OR2AT4: variants seen among roughly 807,000 people sequenced by gnomAD.
OR2AT4 encodes the protein olfactory receptor 2AT4.
In OR2AT4, 6 loss-of-function variants were observed where a neutral mutation model predicts 10.3. That is an observed-to-expected ratio of 0.58 (90% confidence interval 0.32 to 1.15). The LOEUF is 1.15. Among genes scored for constraint, OR2AT4 ranks in the 50% most tolerant of loss-of-function variants. OR2AT4 has a pLI of 0.05. For synonymous variants in OR2AT4, 145 were observed against 159.1 expected (o/e 0.91, Z 0.67); for missense variants, 354 against 393.8 (o/e 0.90, Z 0.85).
exon 2 of OR2AT4, chr11:75,088,761 C>T (rs1320675240): frequency 3.2e-6 from 5 of 1,556,154 alleles, no homozygotes; most frequent in Non-Finnish European, 4.3e-6. Flanking sequence ...TCAAATGCTC[C>T]TGTCACAGCC....
exon 2 of OR2AT4, chr11:75,086,814 A>G (rs886776769): frequency 6.6e-6 from 1 of 152,216 alleles, no homozygotes; most frequent in African/African-American, 2.4e-5. Context: ...AGTATCATAC[A>G]GAATAGTTTC....
chr11:75,093,035 G>A (rs1289225496), intron 1 of OR2AT4, among the ~76,000 whole-genome samples: 3 of 152,186 alleles, frequency 2.0e-5, no homozygotes, highest in Middle Eastern at 3.2e-3. Flanking sequence ...GGGAGGTGGA[G>A]GTTGCAGTGA....
chr11:75,093,810 C>CTTTTTTTTTTTTTTTTTTTTT (rs556380402), intron 1 of OR2AT4, among the ~76,000 whole-genome samples: 58 of 61,798 alleles, frequency 9.4e-4, no homozygotes, highest in African/African-American at 1.3e-3. Flanking sequence ...TTTTCTTTTT[C>CTTTTTTTTTTTTTTTTTTTTT]TTTTTTTTTT....
intron 1 of OR2AT4, among the ~76,000 whole-genome samples, chr11:75,092,975 C>T (rs895296620): frequency 2.6e-5 from 4 of 152,098 alleles, no homozygotes; most frequent in Non-Finnish European, 1.5e-5. Context: ...TAGCACACGC[C>T]TGTAATCCCA....
chr11:75,090,917 G>A (rs944168623), intron 1 of OR2AT4, among the ~76,000 whole-genome samples: 4 of 152,152 alleles, frequency 2.6e-5, no homozygotes, highest in Non-Finnish European at 5.9e-5. Flanking sequence ...TGTAGTGGGC[G>A]GGGGGAAAGG....
chr11:75,088,783 A>G, exon 2 of OR2AT4: 1 of 1,581,826 alleles, frequency 6.3e-7, no homozygotes. Context: ...GGGTCTTGAG[A>G]CATGATTTTG....
At chr11:75,083,400 C>A (rs1319556602) in exon 2 of OR2AT4, 1 of 152,096 alleles carries the variant, frequency 6.6e-6, no homozygotes, top group African/African-American at 2.4e-5. Context: ...AGAACAGGTG[C>A]TGACCAGGCT....
chr11:75,087,276 G>A (rs941005208), exon 2 of OR2AT4: 1 of 152,088 alleles, frequency 6.6e-6, no homozygotes, highest in Non-Finnish European at 1.5e-5. Flanking sequence ...TTAGGTGAAG[G>A]ATATATGGGA....
exon 2 of OR2AT4, chr11:75,089,770 A>C: frequency 6.6e-7 from 1 of 1,518,324 alleles, no homozygotes; most frequent in East Asian, 2.3e-5. Flanking sequence ...AGACATTGGA[A>C]ACATCTGGAA....
At chr11:75,088,642 A>T in exon 2 of OR2AT4, 1 of 1,078,590 alleles carries the variant, frequency 9.3e-7, no homozygotes, top group Non-Finnish European at 1.2e-6. Context: ...ACAACAACTT[A>T]AGATTCCAAT....
At chr11:75,093,956 G>A (rs1949333720) in intron 1 of OR2AT4, among the ~76,000 whole-genome samples, 1 of 151,244 alleles carries the variant, frequency 6.6e-6, no homozygotes, top group South Asian at 2.1e-4. Flanking sequence ...CTGAGTAGCT[G>A]GGATTACAGG....
exon 2 of OR2AT4, chr11:75,089,284 G>C (rs1949308443): frequency 1.1e-5 from 18 of 1,614,242 alleles, no homozygotes; most frequent in Non-Finnish European, 1.5e-5. Context: ...GCATTGGTCT[G>C]TGGGTTCATG....
chr11:75,089,769 A>G, exon 2 of OR2AT4: 1 of 1,517,560 alleles, frequency 6.6e-7, no homozygotes, highest in East Asian at 2.3e-5. Flanking sequence ...TAGACATTGG[A>G]AACATCTGGA....
chr11:75,096,679 G>T, intron 1 of OR2AT4, 149 bp downstream of exon 1: 1 of 152,316 alleles, frequency 6.6e-6, no homozygotes, highest in Non-Finnish European at 1.5e-5. Flanking sequence ...ACTCACCCAG[G>T]CTGACTGCGT....
At chr11:75,089,804 A>G (rs1949313522) in exon 2 of OR2AT4, 1 of 1,286,272 alleles carries the variant, frequency 7.8e-7, no homozygotes, top group Non-Finnish European at 1.1e-6. Flanking sequence ...AGGATTCTGG[A>G]GTGATAATGC....
chr11:75,095,771 G>A (rs1024524778), intron 1 of OR2AT4, among the ~76,000 whole-genome samples: 4 of 148,350 alleles, frequency 2.7e-5, no homozygotes, highest in Non-Finnish European at 4.5e-5. Flanking sequence ...TCTGCCTCCC[G>A]GGTTCAAGCG....
chr11:75,091,994 T>C (rs1949322264), intron 1 of OR2AT4, among the ~76,000 whole-genome samples: 1 of 152,176 alleles, frequency 6.6e-6, no homozygotes, highest in Non-Finnish European at 1.5e-5. Context: ...TTTCAATACA[T>C]TTATCAAAGG....
exon 2 of OR2AT4, chr11:75,089,816 A>G (rs775765846): frequency 3.4e-6 from 4 of 1,186,534 alleles, no homozygotes; most frequent in Non-Finnish European, 4.8e-6. Flanking sequence ...TGATAATGCT[A>G]TAATGTTTAC....
chr11:75,091,711 A>G (rs1949321050), intron 1 of OR2AT4, among the ~76,000 whole-genome samples: 1 of 152,246 alleles, frequency 6.6e-6, no homozygotes, highest in Admixed American at 6.5e-5. Context: ...AAACTAATCT[A>G]TGATATTATA....
Sources: gnomAD v4.1 joint callset for allele counts (sites outside exome capture counted in the v4.1 genomes callset) on GRCh38, gnomAD v4.1.1 for gene constraint, MANE v1.5 for transcripts, NCBI Gene and HGNC (gene_info 2026-07-23, HGNC 2026-07-21) for gene names.